The following RXRA variants were observed in gnomAD, a reference collection of about 807,000 sequenced individuals.
RXRA encodes retinoid X receptor alpha.
A neutral mutation model predicts 44.5 loss-of-function variants in RXRA; 5 were observed. The observed-to-expected ratio is 0.11, with a 90% CI of 0.06 to 0.24. The LOEUF (loss-of-function observed/expected upper bound fraction) is 0.24, where lower values mean the gene tolerates loss of function less well. Among genes scored for constraint, RXRA ranks in the 10% least tolerant of loss-of-function variants. The pLI is 1.00. For missense variants in RXRA, 412 were observed against 646.5 expected (o/e 0.64, Z 3.93); for synonymous variants, 291 against 271.4 (o/e 1.07, Z -0.71).
At chr9:134,380,536 C>T (rs542096914) in intron 1 of RXRA, among the ~76,000 whole-genome samples, 3 of 152,114 alleles carry the variant, frequency 2.0e-5, no homozygotes, top group East Asian at 1.9e-4. Flanking sequence ...GTAGACAGGA[C>T]GGGCCCCTCG....
chr9:134,336,362 T>C (rs1467335509), intron 1 of RXRA, among the ~76,000 whole-genome samples: 1 of 152,224 alleles, frequency 6.6e-6, no homozygotes, highest in East Asian at 1.9e-4. Flanking sequence ...AGAGCTGGTC[T>C]CCAGGCCCCT....
At chr9:134,334,393 C>T (rs1038197338) in intron 1 of RXRA, among the ~76,000 whole-genome samples, 20 of 152,258 alleles carry the variant, frequency 1.3e-4, no homozygotes, top group African/African-American at 4.1e-4. Flanking sequence ...GCTGGCAGGC[C>T]GCATCCAGCT....
chr9:134,434,856 T>TGGGGCGGGGGGG (rs1831589384), intron 9 of RXRA, among the ~76,000 whole-genome samples: 1 of 68,418 alleles, frequency 1.5e-5, no homozygotes, highest in African/African-American at 9.2e-5. Flanking sequence ...CCTCAGACTG[T>TGGGGCGGGGGGG]GGGGCGGGGA....
At chr9:134,434,022 C>T in intron 8 of RXRA, 80 bp from the exon 9 acceptor site, 2 of 1,058,674 alleles carry the variant, frequency 1.9e-6, no homozygotes, top group East Asian at 2.4e-5. Context: ...TGGGAGACCC[C>T]ACACAAGCCT....
At chr9:134,431,832 G>T in intron 7 of RXRA, 73 bp from the exon 8 acceptor site, 1 of 1,201,380 alleles carries the variant, frequency 8.3e-7, no homozygotes, top group South Asian at 1.2e-5. Flanking sequence ...CAGAGGCCTT[G>T]GGTATCTGGG....
In RXRA at chr9:134,383,524, G is replaced by A. The variant is rs190170836; in HGVS notation, c.29-18108G>A. On this transcript the variant is annotated intron_variant, in intron 1 of 9. Coordinates refer to ENST00000481739, the MANE Select transcript of RXRA (RefSeq NM_002957.6). ...TCTCATGAGACCGCACCACTTAGCT[G>A]TCAGTGAGGCTTGTTGGGCATAAAT... 2.7e-4 allele frequency among the ~76,000 whole-genome samples: 41 copies of A among 152,274 alleles called. No individual in the cohort carries two copies. The East Asian group carries it at 7.1e-3, about 27-fold the overall frequency.
At chr9:134,395,476 A>C (rs899561811) in intron 1 of RXRA, among the ~76,000 whole-genome samples, 1 of 152,212 alleles carries the variant, frequency 6.6e-6, no homozygotes, top group Admixed American at 6.5e-5. Flanking sequence ...TGGGGCCGGC[A>C]GTCCTTAGGG....
At chr9:134,346,518 C>T (rs568435698) in intron 1 of RXRA, among the ~76,000 whole-genome samples, 5 of 152,306 alleles carry the variant, frequency 3.3e-5, no homozygotes, top group East Asian at 1.9e-4. Context: ...TGGCCGTTCC[C>T]GGGCGTGTTG....
At chr9:134,398,403 G>A (rs1231259770) in intron 1 of RXRA, among the ~76,000 whole-genome samples, 3 of 152,122 alleles carry the variant, frequency 2.0e-5, no homozygotes, top group Admixed American at 6.5e-5. Flanking sequence ...AGTAGAGGAT[G>A]TCGAGGCATT....
intron 1 of RXRA, among the ~76,000 whole-genome samples, chr9:134,340,320 A>G (rs1482668705): frequency 6.6e-6 from 1 of 152,096 alleles, no homozygotes; most frequent in Non-Finnish European, 1.5e-5. Context: ...GCAGGCAGAT[A>G]TATGTTCTAG....
intron 1 of RXRA, among the ~76,000 whole-genome samples, chr9:134,369,106 TG>T (rs1437159279): frequency 2.6e-5 from 1 of 38,874 alleles, no homozygotes. Context: ...TGTGTGTGTG[TG>T]GGGTTGTGTG....
chr9:134,377,329 T>A (rs78343625), intron 1 of RXRA, among the ~76,000 whole-genome samples: 3,430 of 152,270 alleles, frequency 0.023, 116 homozygotes, highest in African/African-American at 0.073. Flanking sequence ...GATGGCGTTG[T>A]CCCCATCACT....
chr9:134,424,658 A>G, intron 6 of RXRA: 1 of 985,446 alleles, frequency 1.0e-6, no homozygotes, highest in Middle Eastern at 5.2e-4. Context: ...AGGTCCACTG[A>G]AGCACACGTC....
intron 1 of RXRA, among the ~76,000 whole-genome samples, chr9:134,396,788 C>G (rs948240257): frequency 1.3e-5 from 2 of 152,186 alleles, no homozygotes; most frequent in African/African-American, 4.8e-5. Context: ...TTGGATGGTC[C>G]GGGTGTCCTC....
intron 1 of RXRA, among the ~76,000 whole-genome samples, chr9:134,339,656 TGCCTGTGTGTGTGTGA>T (rs1460278972): frequency 3.4e-5 from 5 of 148,718 alleles, no homozygotes; most frequent in South Asian, 2.2e-4. Flanking sequence ...TCTGTGTGTG[TGCCTGTGTGTGTGTGA>T]GCCTGTGTGT....
chr9:134,362,201 G>A (rs1830360718), intron 1 of RXRA, among the ~76,000 whole-genome samples: 1 of 152,132 alleles, frequency 6.6e-6, no homozygotes, highest in Non-Finnish European at 1.5e-5. Flanking sequence ...GTGCGTGGCC[G>A]CTGCTCATGG....
chr9:134,379,213 A>G (rs1386661354), intron 1 of RXRA: 2 of 955,508 alleles, frequency 2.1e-6, no homozygotes, highest in East Asian at 1.2e-4. Context: ...GTCCGTGCTT[A>G]ACTGGGCCTT....
At chr9:134,416,468 A>G (rs1214831293) in intron 4 of RXRA, among the ~76,000 whole-genome samples, 1 of 151,664 alleles carries the variant, frequency 6.6e-6, no homozygotes, top group Admixed American at 6.6e-5. Context: ...ATTGAAAGGC[A>G]TCTCGGTGCC....
chr9:134,381,796 C>G lies in RXRA; in HGVS notation c.29-19836C>G, dbSNP rs539792737. ...TTCACTGCAAATTAGCCCCGACCTC[C>G]CCGGGGTGCCCAGCAGGGGCGCACT... On this transcript the variant is annotated intron_variant, in intron 1 of 9. Coordinates refer to ENST00000481739, the MANE Select transcript of RXRA (RefSeq NM_002957.6). Among the ~76,000 whole-genome samples the G allele has an allele frequency of 2.6e-5, 4 of 152,240 alleles. No homozygotes were observed. The East Asian group carries it at 7.7e-4, about 29-fold the overall frequency.
Sources: gnomAD v4.1 joint callset for allele counts (sites outside exome capture counted in the v4.1 genomes callset) on GRCh38, gnomAD v4.1.1 for gene constraint, MANE v1.5 for transcripts, NCBI Gene and HGNC (gene_info 2026-07-23, HGNC 2026-07-21) for gene names.